The following RBMX2 variants were observed in gnomAD, a reference collection of about 807,000 sequenced individuals.
RBMX2 encodes RNA binding motif protein X-linked 2.
For synonymous variants in RBMX2, 77 were observed against 94.3 expected (o/e 0.82, Z 1.07); for missense variants, 191 against 256.0 (o/e 0.75, Z 1.73).
At chrX:130,409,939 G>A (rs1282887564) in intron 4 of RBMX2, among the ~76,000 whole-genome samples, 1 of 112,589 alleles carries the variant, frequency 8.9e-6, no homozygotes, top group Non-Finnish European at 1.9e-5. Flanking sequence ...ACTGTCATAA[G>A]TGAGGCACTG....
intron 3 of RBMX2, 107 bp from the exon 4 acceptor site, chrX:130,409,150 A>G: frequency 1.6e-6 from 1 of 626,416 alleles, no homozygotes; most frequent in Non-Finnish European, 2.3e-6. Flanking sequence ...CTTGTTCTAG[A>G]TGCATCTCTT....
intron 5 of RBMX2, among the ~76,000 whole-genome samples, 156 bp from the exon 6 acceptor site, chrX:130,412,205 C>T (rs2034516532): frequency 1.9e-5 from 2 of 108,100 alleles, no homozygotes; most frequent in South Asian, 8.3e-4. Flanking sequence ...GGATTACAGG[C>T]GTGAGCCACC....
intron 3 of RBMX2, among the ~76,000 whole-genome samples, chrX:130,407,561 C>T (rs746181873): frequency 9.0e-5 from 10 of 111,148 alleles, no homozygotes; most frequent in African/African-American, 3.3e-4. Flanking sequence ...CTATCAATTC[C>T]TATTTTCTTT....
chrX:130,402,225 A>ACCCAGCCCCCCCCCCCCCCC, intron 1 of RBMX2, 30 bp from the exon 2 acceptor site: 1 of 984,797 alleles, frequency 1.0e-6, no homozygotes, highest in Non-Finnish European at 1.4e-6. Flanking sequence ...TTTTCTGCCT[A>ACCCAGCCCCCCCCCCCCCCC]CCCTCCCCAC....
At chrX:130,408,775 A>G (rs2034498002) in intron 3 of RBMX2, among the ~76,000 whole-genome samples, 1 of 112,122 alleles carries the variant, frequency 8.9e-6, no homozygotes, top group Non-Finnish European at 1.9e-5. Context: ...AATATTTGTT[A>G]TTATAACAGA....
chrX:130,408,295 G>C (rs1211667098), intron 3 of RBMX2, among the ~76,000 whole-genome samples: 2 of 112,159 alleles, frequency 1.8e-5, no homozygotes, highest in African/African-American at 6.5e-5. Flanking sequence ...ACCATGCCGA[G>C]CCTAATTTCT....
intron 3 of RBMX2, among the ~76,000 whole-genome samples, chrX:130,408,782 CAG>C (rs1176345489): frequency 7.4e-4 from 83 of 112,174 alleles, no homozygotes; most frequent in African/African-American, 2.6e-3. Context: ...GTTATTATAA[CAG>C]AGTAATTATG....
In RBMX2 at chrX:130,412,973, TTTAG is replaced by T; in HGVS notation, c.*126_*129del. On this transcript the variant is annotated 3_prime_UTR_variant, in exon 6 of 6. Coordinates refer to ENST00000305536, the MANE Select transcript of RBMX2 (RefSeq NM_016024.4). ...CTGGATTCTTTTAATCCCTTGACTA[TTTAG>T]AGTCATTGGGAGGGCTGCAGTTTCA... 1 of 707,578 alleles carries T rather than the reference TTTAG, an allele frequency of 1.4e-6. No individual in the cohort carries two copies. Among genetic ancestry groups the T allele is most frequent in the Non-Finnish European group, 2.0e-6 (1 of 494,259 alleles). 58.3% of individuals were successfully genotyped at this position (707,578 alleles called of 1,213,427 possible).
intron 1 of RBMX2, 40 bp downstream of exon 1, chrX:130,402,077 C>T (rs994723811): frequency 2.7e-5 from 32 of 1,190,617 alleles, no homozygotes; most frequent in Non-Finnish European, 3.3e-5. Flanking sequence ...AGCAGCGGGC[C>T]ACTGGGGGTG....
chrX:130,403,887 G>A (rs754397435), intron 3 of RBMX2, 34 bp downstream of exon 3: 60 of 1,174,056 alleles, frequency 5.1e-5, no homozygotes, highest in Non-Finnish European at 6.4e-5. Context: ...CTCCTGAGTC[G>A]ACAGAGTACT....
intron 1 of RBMX2, 30 bp from the exon 2 acceptor site, chrX:130,402,225 A>AACCCCCCCCCCC: frequency 2.0e-6 from 2 of 984,797 alleles, no homozygotes; most frequent in African/African-American, 4.0e-5. Context: ...TTTTCTGCCT[A>AACCCCCCCCCCC]CCCTCCCCAC....
chrX:130,406,101 C>T lies in RBMX2; in HGVS notation c.173+2248C>T, dbSNP rs776967646. Reference sequence around the variant, plus strand: ...CGATCTCTTGACCTCGTGATCCGCCCGCCTCGGCCTCCCAAAGTGCTGGGA... The same window carrying T: ...CGATCTCTTGACCTCGTGATCCGCCTGCCTCGGCCTCCCAAAGTGCTGGGA... On this transcript the variant is annotated intron_variant, in intron 3 of 5. Coordinates refer to ENST00000305536, the MANE Select transcript of RBMX2 (RefSeq NM_016024.4). Among the ~76,000 whole-genome samples, 23 of 66,434 alleles carry T rather than the reference C, an allele frequency of 3.5e-4. 2 individuals are homozygous for T. Among genetic ancestry groups the T allele is most frequent in the Admixed American group, 5.8e-4 (4 of 6,930 alleles). The allele number at this position is 66,434 out of a possible 115,157, so 57.7% of individuals were successfully genotyped here. A position where few individuals can be genotyped will look rare whatever the true frequency, so the allele number is the denominator to read the frequency against.
chrX:130,412,874 G>T lies in RBMX2; in HGVS notation c.*26G>T. Reference sequence around the variant, plus strand: ...AGACTTCAGCTGCACAGTAGATTTGGAAATAATTATGTTTTTTAAATGCAG... The same window carrying T: ...AGACTTCAGCTGCACAGTAGATTTGTAAATAATTATGTTTTTTAAATGCAG... On this transcript the variant is annotated 3_prime_UTR_variant, in exon 6 of 6. Transcript: ENST00000305536. The T allele has an allele frequency of 8.6e-7, 1 of 1,167,303 alleles. No individual in the cohort carries two copies. Among genetic ancestry groups the T allele is most frequent in the Non-Finnish European group, 1.1e-6 (1 of 874,566 alleles).
At chrX:130,405,381 CAAAAAAA>C (rs1363755646) in intron 3 of RBMX2, among the ~76,000 whole-genome samples, 1 of 97,463 alleles carries the variant, frequency 1.0e-5, no homozygotes, top group Non-Finnish European at 2.1e-5. Flanking sequence ...TCCCCCATCT[CAAAAAAA>C]AAGAAAAAAG....
chrX:130,405,361 A>G (rs1031452191), intron 3 of RBMX2, among the ~76,000 whole-genome samples: 8 of 109,629 alleles, frequency 7.3e-5, no homozygotes, highest in African/African-American at 2.7e-4. Flanking sequence ...CCTGGGGGAT[A>G]GAGCAAGACT....
intron 4 of RBMX2, among the ~76,000 whole-genome samples, chrX:130,410,092 C>G (rs745758050): frequency 9.0e-6 from 1 of 111,127 alleles, no homozygotes; most frequent in Non-Finnish European, 1.9e-5. Context: ...CACTGATTCA[C>G]GAGTATGGAA....
chrX:130,402,225 A>ACCCACCCCCCC, intron 1 of RBMX2, 30 bp from the exon 2 acceptor site: 2 of 984,777 alleles, frequency 2.0e-6, no homozygotes, highest in Non-Finnish European at 2.8e-6. Flanking sequence ...TTTTCTGCCT[A>ACCCACCCCCCC]CCCTCCCCAC....
At chrX:130,403,086 C>T (rs2034464645) in intron 2 of RBMX2, among the ~76,000 whole-genome samples, 3 of 112,418 alleles carry the variant, frequency 2.7e-5, no homozygotes, top group African/African-American at 9.7e-5. Context: ...TAACCTTTGT[C>T]TATGTGTAGG....
At chrX:130,402,094 C>A (rs112718120) in intron 1 of RBMX2, 57 bp downstream of exon 1, 6 of 1,183,026 alleles carry the variant, frequency 5.1e-6, no homozygotes, top group Admixed American at 2.4e-5. Context: ...GGTGGTCCAC[C>A]GGGACTGGTG....
Sources: allele counts gnomAD v4.1 joint callset (sites outside exome capture counted in the v4.1 genomes callset), GRCh38; gene constraint gnomAD v4.1.1; transcripts MANE v1.5; gene names NCBI Gene and HGNC (gene_info 2026-07-23, HGNC 2026-07-21).